Variants in SORL1 observed in about 807,000 individuals in gnomAD.
SORL1 encodes sortilin related receptor 1, also known as sortilin-related receptor.
Under a neutral mutation model 273.7 loss-of-function variants are expected in SORL1, and 127 were observed. The observed-to-expected ratio is 0.46, with a 90% CI of 0.40 to 0.54. The LOEUF is 0.54. Ranked by LOEUF, SORL1 falls within the 20% of genes least tolerant of loss-of-function variation. SORL1 has a pLI of 0.00. For missense variants in SORL1, 2,494 were observed against 2,846.1 expected (o/e 0.88, Z 2.81); for synonymous variants, 1,031 against 1,067.4 (o/e 0.97, Z 0.66).
At chr11:121,621,308 A>G (rs976013669) in intron 44 of SORL1, 70 bp downstream of exon 44, 1 of 1,376,106 alleles carries the variant, frequency 7.3e-7, no homozygotes. Flanking sequence ...AGACCTCCAG[A>G]GACAGACTTT....
At chr11:121,469,808 G>A (rs1843606112) in intron 1 of SORL1, among the ~76,000 whole-genome samples, 199 bp from the exon 2 acceptor site, 1 of 152,176 alleles carries the variant, frequency 6.6e-6, no homozygotes, top group South Asian at 2.1e-4. Flanking sequence ...AAAATAGCAG[G>A]GGACTCATTT....
chr11:121,553,922 TTG>T lies in SORL1; in HGVS notation c.2267-9_2267-8del. ...CCCTGGGTCCAACCTCCCACGTGTC[TTG>T]TGTGTCTGGCAGAAGAGAACGAGTT... is the stretch of plus-strand genomic sequence containing the variant. On this transcript the variant is annotated splice_polypyrimidine_tract_variant and intron_variant, in intron 16 of 47. Coordinates refer to ENST00000260197, the MANE Select transcript of SORL1 (RefSeq NM_003105.6). The T allele has an allele frequency of 1.2e-6, 2 of 1,608,632 alleles. No individual in the cohort carries two copies. The highest frequency in any genetic ancestry group is 1.7e-6 in the Non-Finnish European group (2 of 1,176,356).
At chr11:121,458,031 G>A (rs955627342) in intron 1 of SORL1, among the ~76,000 whole-genome samples, 4 of 152,206 alleles carry the variant, frequency 2.6e-5, no homozygotes, top group African/African-American at 9.7e-5. Context: ...TTGAATCCCA[G>A]GGCAGAGATA....
intron 1 of SORL1, among the ~76,000 whole-genome samples, chr11:121,457,512 C>T (rs956520265): frequency 7.9e-5 from 12 of 152,142 alleles, no homozygotes; most frequent in Admixed American, 1.3e-4. Context: ...CCTGTAGTCC[C>T]TGGTATCCTG....
rs1863876616 is a variant in SORL1 at position 121,631,532 on chromosome 11, A to G, written c.*1969A>G. On this transcript the variant is annotated 3_prime_UTR_variant, in exon 48 of 48. Transcript: ENST00000260197. ...AAGTCATTTAATTGAACCACTAGGAAGTGTATTTTCTTTTCTTTTTCTGCC... is the reference window on the plus strand; with the variant it reads ...AAGTCATTTAATTGAACCACTAGGAGGTGTATTTTCTTTTCTTTTTCTGCC... The G allele has an allele frequency of 6.6e-6, 1 of 152,182 alleles. No individual in the cohort carries two copies. The highest frequency in any genetic ancestry group is 2.1e-4 in the South Asian group (1 of 4,826). 9.4% of individuals were successfully genotyped at this position (152,182 alleles called of 1,614,324 possible).
intron 16 of SORL1, among the ~76,000 whole-genome samples, chr11:121,551,075 CTG>C (rs1862501592): frequency 1.3e-5 from 2 of 152,182 alleles, no homozygotes; most frequent in African/African-American, 2.4e-5. Context: ...ATAAAACTAA[CTG>C]TAACTAAAAT....
intron 5 of SORL1, among the ~76,000 whole-genome samples, chr11:121,493,477 G>A (rs139690490): frequency 0.015 from 2,317 of 151,790 alleles, 54 homozygotes; most frequent in African/African-American, 0.053. Flanking sequence ...GGCTGGTCTT[G>A]AACTCCCAAC....
intron 17 of SORL1, 172 bp from the exon 18 acceptor site, chr11:121,555,015 G>T: frequency 1.6e-6 from 1 of 610,052 alleles, no homozygotes. Flanking sequence ...GTATATTTTA[G>T]AAATGCTTTC....
intron 12 of SORL1, among the ~76,000 whole-genome samples, chr11:121,533,804 T>A (rs1862233617): frequency 6.6e-6 from 1 of 152,156 alleles, no homozygotes. Flanking sequence ...AGAAGCAAAG[T>A]ACTGGTGTTT....
At chr11:121,553,022 GT>G (rs1247053590) in intron 16 of SORL1, among the ~76,000 whole-genome samples, 1 of 152,220 alleles carries the variant, frequency 6.6e-6, no homozygotes, top group Non-Finnish European at 1.5e-5. Flanking sequence ...CATTAGGTAA[GT>G]ATCTTCAGCA....
At chr11:121,619,618 ATTATT>A (rs1863692251) in intron 42 of SORL1, 130 bp from the exon 43 acceptor site, 2 of 763,998 alleles carry the variant, frequency 2.6e-6, no homozygotes, top group South Asian at 3.9e-5. Context: ...TAGGTGGGAA[ATTATT>A]TTATATTTTA....
At chr11:121,580,604 CTTT>C (rs11404598) in intron 25 of SORL1, among the ~76,000 whole-genome samples, 3 of 115,474 alleles carry the variant, frequency 2.6e-5, no homozygotes, top group Non-Finnish European at 5.1e-5. Context: ...CATGCACTTA[CTTT>C]TTTTTTTTTT....
At chr11:121,472,099 C>T (rs188945069) in intron 2 of SORL1, among the ~76,000 whole-genome samples, 13 of 152,248 alleles carry the variant, frequency 8.5e-5, no homozygotes, top group Middle Eastern at 3.4e-3. Context: ...GACCTATCTT[C>T]GTGCTACTGT....
At chr11:121,593,210 C>T (rs999838222) in intron 31 of SORL1, among the ~76,000 whole-genome samples, 1 of 152,178 alleles carries the variant, frequency 6.6e-6, no homozygotes, top group Admixed American at 6.5e-5. Flanking sequence ...TATCACCTGT[C>T]TCCATGTACC....
At chr11:121,574,215 TA>T in intron 23 of SORL1, 25 bp from the exon 24 acceptor site, 1 of 1,611,876 alleles carries the variant, frequency 6.2e-7, no homozygotes, top group Non-Finnish European at 8.5e-7. Context: ...ACCTAAGGAA[TA>T]TGTTGTCTTT....
intron 11 of SORL1, among the ~76,000 whole-genome samples, chr11:121,530,067 C>A (rs988254371): frequency 1.3e-5 from 2 of 152,124 alleles, no homozygotes; most frequent in African/African-American, 4.8e-5. Flanking sequence ...AAATTTAGAA[C>A]CCTTTCAACC....
chr11:121,523,072 G>A, intron 11 of SORL1, 83 bp downstream of exon 11: 2 of 930,734 alleles, frequency 2.1e-6, no homozygotes. Flanking sequence ...GCATTTCAGG[G>A]ACACAAATGG....
chr11:121,478,466 C>G (rs1861316464), intron 3 of SORL1, among the ~76,000 whole-genome samples: 1 of 152,196 alleles, frequency 6.6e-6, no homozygotes. Flanking sequence ...GGCAGGATTT[C>G]TAGACAAACA....
intron 14 of SORL1, among the ~76,000 whole-genome samples, chr11:121,546,524 A>G (rs1208573422): frequency 1.3e-5 from 2 of 152,186 alleles, no homozygotes; most frequent in East Asian, 3.8e-4. Flanking sequence ...CTCATATTTC[A>G]GTGGTTGCTG....
Sources: gnomAD v4.1 joint callset for allele counts (sites outside exome capture counted in the v4.1 genomes callset) on GRCh38, gnomAD v4.1.1 for gene constraint, MANE v1.5 for transcripts, NCBI Gene and HGNC (gene_info 2026-07-23, HGNC 2026-07-21) for gene names.